The following NUP155 variants were observed in gnomAD, a reference collection of about 807,000 sequenced individuals.
The protein encoded by NUP155 is nucleoporin 155.
A neutral mutation model predicts 180.4 loss-of-function variants in NUP155; 71 were observed. The ratio of observed to expected loss-of-function variants is 0.39; its 90% CI spans 0.33 to 0.48. The LOEUF (loss-of-function observed/expected upper bound fraction) is 0.48. Among genes scored for constraint, NUP155 ranks in the 20% least tolerant of loss-of-function variants. The probability of loss-of-function intolerance (pLI) is 0.91; values close to 1 mark genes in which losing one functional copy is unlikely to be tolerated. For synonymous variants in NUP155, 582 were observed against 559.5 expected (o/e 1.04, Z -0.57); for missense variants, 1,553 against 1,648.9 (o/e 0.94, Z 1.01).
At chr5:37,335,993 T>A (rs1001775768) in intron 12 of NUP155, among the ~76,000 whole-genome samples, 1 of 151,944 alleles carries the variant, frequency 6.6e-6, no homozygotes, top group Non-Finnish European at 1.5e-5. Context: ...TTCCCTAATA[T>A]AATTTAACAC....
At chr5:37,358,818 G>A (rs545972693) in intron 3 of NUP155, among the ~76,000 whole-genome samples, 193 of 152,196 alleles carry the variant, frequency 1.3e-3, no homozygotes, top group African/African-American at 4.1e-3. Flanking sequence ...GGAGATTGAG[G>A]CCATCCTGGC....
chr5:37,316,185 A>G (rs1743871889), intron 21 of NUP155, among the ~76,000 whole-genome samples: 2 of 152,232 alleles, frequency 1.3e-5, no homozygotes, highest in Non-Finnish European at 2.9e-5. Flanking sequence ...ATGAATGGAT[A>G]AAGGAAATGT....
chr5:37,326,383 A>T (rs972494706), intron 18 of NUP155, among the ~76,000 whole-genome samples: 2 of 152,138 alleles, frequency 1.3e-5, no homozygotes, highest in African/African-American at 4.8e-5. Context: ...CCCTCCCTAT[A>T]TCTATCCCCT....
At chr5:37,302,435 C>T (rs2150942323) in intron 29 of NUP155, among the ~76,000 whole-genome samples, 1 of 152,282 alleles carries the variant, frequency 6.6e-6, no homozygotes, top group South Asian at 2.1e-4. Flanking sequence ...AAGGTTTCGC[C>T]ATATTGGCCA....
intron 14 of NUP155, among the ~76,000 whole-genome samples, chr5:37,331,136 G>A (rs1009861340): frequency 5.5e-5 from 8 of 146,450 alleles, no homozygotes; most frequent in East Asian, 3.9e-4. Context: ...GCGACAGAGC[G>A]AGACTCTGTC....
At chr5:37,362,605 A>G (rs1035335290) in intron 3 of NUP155, among the ~76,000 whole-genome samples, 2 of 152,044 alleles carry the variant, frequency 1.3e-5, no homozygotes, top group Non-Finnish European at 2.9e-5. Context: ...TATTTTAAAG[A>G]AAACAATTAT....
In NUP155 at chr5:37,294,338, G is replaced by C; in HGVS notation, c.3921C>G (p.Phe1307Leu). The C allele has an allele frequency of 6.3e-7, 1 of 1,582,364 alleles. No homozygotes were observed. ...TTAATATTTTCCTTACCCGTGATTTGAACAACTGATCATAAACTTCTAGTA... is the reference window on the plus strand; with the variant it reads ...TTAATATTTTCCTTACCCGTGATTTCAACAACTGATCATAAACTTCTAGTA... ...PRLLEVYDQL[F>L]KSRDPFWNRM... is the part of the protein sequence containing the mutation. The change falls in exon 33 of 35, where the codon TTC (phenylalanine) becomes TTG (leucine). Residue 1307 changes from phenylalanine (F) to leucine (L), a missense_variant. Phe to Leu is a conservative substitution (Grantham distance 22, BLOSUM62 0). Transcript: ENST00000231498.
chr5:37,331,360 A>G (rs182357772), intron 14 of NUP155, among the ~76,000 whole-genome samples: 2 of 152,276 alleles, frequency 1.3e-5, no homozygotes, highest in Admixed American at 1.3e-4. Flanking sequence ...GGATCACCTG[A>G]GGTCGGGAGT....
rs769468878 is a variant in NUP155, at chr5:37,342,561, C to T, written c.1081G>A (p.Val361Ile). ...SESLDCQLLA[V>I]THAGVRLYFS... ...TAAAACAACATACCTGCATGTGTGA[C>T]AGCCAATAACTGACAGTCCAGTGAT... The change falls in exon 10 of 35, where the codon GTC (valine) becomes ATC (isoleucine). Residue 361 changes from valine to isoleucine, a missense_variant. Val to Ile is a conservative substitution (Grantham distance 29). Transcript: ENST00000231498. 2.5e-6 allele frequency: 4 copies of T among 1,607,002 alleles called. No homozygotes were observed. The highest frequency in any genetic ancestry group is 3.4e-6 in the Non-Finnish European group (4 of 1,173,636).
At chr5:37,333,812 G>GT (rs1490224129) in intron 12 of NUP155, among the ~76,000 whole-genome samples, 179 bp from the exon 13 acceptor site, 1 of 150,744 alleles carries the variant, frequency 6.6e-6, no homozygotes, top group Non-Finnish European at 1.5e-5. Context: ...CTGGGTTTTT[G>GT]TTTTTTGTTT....
chr5:37,288,388 A>G lies in NUP155; in HGVS notation c.*3512T>C, dbSNP rs1742103605. 6.6e-6 allele frequency: 1 copy of G among 152,172 alleles called. No homozygotes were observed. Among genetic ancestry groups the G allele is most frequent in the African/African-American group, 2.4e-5 (1 of 41,434 alleles). 9.4% of individuals were successfully genotyped at this position (152,172 alleles called of 1,614,324 possible). ...TTCAATGAATAAGTCAGGTATACCT[A>G]AAGAAACACTAAATGTACATGTACA... On this transcript the variant is annotated 3_prime_UTR_variant, in exon 35 of 35. Coordinates refer to ENST00000231498, the MANE Select transcript of NUP155 (RefSeq NM_153485.3).
chr5:37,351,165 AAAC>A, intron 6 of NUP155, 22 bp downstream of exon 6: 1 of 1,606,838 alleles, frequency 6.2e-7, no homozygotes, highest in African/African-American at 1.3e-5. Flanking sequence ...AGAGAAAAAA[AAAC>A]GTTTACAAAT....
intron 21 of NUP155, among the ~76,000 whole-genome samples, chr5:37,317,359 A>G (rs1470875032): frequency 1.3e-5 from 2 of 149,950 alleles, no homozygotes; most frequent in Non-Finnish European, 3.0e-5. Context: ...GTGGTGGCAC[A>G]TGCCTCTAAT....
At chr5:37,347,114 G>A (rs1447567718) in intron 9 of NUP155, among the ~76,000 whole-genome samples, 1 of 152,130 alleles carries the variant, frequency 6.6e-6, no homozygotes, top group Non-Finnish European at 1.5e-5. Flanking sequence ...TGTAGTCCTA[G>A]CCGCTCGGGA....
intron 20 of NUP155, among the ~76,000 whole-genome samples, chr5:37,318,464 T>C (rs980514680): frequency 2.0e-5 from 3 of 151,364 alleles, no homozygotes; most frequent in Non-Finnish European, 2.9e-5. Context: ...AGAAGAAACA[T>C]AGATTGAGTA....
In NUP155 at chr5:37,364,373, C is replaced by A; in HGVS notation, c.169G>T (p.Val57Phe). 1 of 1,612,010 alleles carries A rather than the reference C, an allele frequency of 6.2e-7. No individual in the cohort carries two copies. The highest frequency in any genetic ancestry group is 8.5e-7 in the Non-Finnish European group (1 of 1,178,166). The part of the protein sequence containing the change: ...LMVSAPNNPT[V>F]SGMSDMDYPL... ...TAATCCATATCTGACATGCCAGAAACGGTGGGATTATCTACAAAAAGAAAA... is the reference window on the plus strand; with the variant it reads ...TAATCCATATCTGACATGCCAGAAAAGGTGGGATTATCTACAAAAAGAAAA... The change falls in exon 2 of 35, where the codon GTT becomes TTT. Residue 57 changes from valine (V) to phenylalanine (F), a missense_variant. By Grantham distance (50) the Val-to-Phe change is conservative (BLOSUM62 -1). Coordinates refer to ENST00000231498, the MANE Select transcript of NUP155 (RefSeq NM_153485.3).
intron 6 of NUP155, among the ~76,000 whole-genome samples, chr5:37,350,591 G>A (rs1321859107): frequency 2.6e-5 from 4 of 152,056 alleles, no homozygotes; most frequent in Non-Finnish European, 5.9e-5. Flanking sequence ...ATCATTTGAG[G>A]TCAGGAGTTC....
Position 37,337,880 on chromosome 5 carries a change from CATT to C in NUP155, c.1282_1284del (p.Asn428del). 1.2e-6 allele frequency: 2 copies of C among 1,610,598 alleles called. No individual in the cohort carries two copies. Among genetic ancestry groups the C allele is most frequent in the Non-Finnish European group, 1.7e-6 (2 of 1,178,210 alleles). On this transcript the variant is annotated inframe_deletion, in exon 12 of 35. Transcript: ENST00000231498. Reference sequence around the variant, plus strand: ...TCATGGTTGACACACCATAAAATATCATTATCCTCATTTTCTGAGGCTGCCATC... The same window carrying C: ...TCATGGTTGACACACCATAAAATATCATCCTCATTTTCTGAGGCTGCCATC...
intron 13 of NUP155, among the ~76,000 whole-genome samples, chr5:37,332,345 G>A (rs1163980749): frequency 9.3e-5 from 11 of 118,036 alleles, no homozygotes; most frequent in East Asian, 2.2e-4. Flanking sequence ...TTTTTTAGAC[G>A]GAGTCTCGTA....
Sources: allele counts gnomAD v4.1 joint callset (sites outside exome capture counted in the v4.1 genomes callset), GRCh38; gene constraint gnomAD v4.1.1; transcripts MANE v1.5; gene names NCBI Gene and HGNC (gene_info 2026-07-23, HGNC 2026-07-21).